The following SUSD6 variants were observed in gnomAD, a reference collection of about 807,000 sequenced individuals.
The protein encoded by SUSD6 is sushi domain containing 6, also known as sushi domain-containing protein 6.
In SUSD6, 16 loss-of-function variants were observed where a neutral mutation model predicts 28.4. The ratio of observed to expected loss-of-function variants is 0.56; its 90% CI spans 0.38 to 0.86. The LOEUF is 0.86. SUSD6 is among the 40% of genes least tolerant of loss of function. The pLI is 0.00. For missense variants in SUSD6, 341 were observed against 384.2 expected (o/e 0.89, Z 0.94); for synonymous variants, 147 against 159.6 (o/e 0.92, Z 0.59).
chr14:69,660,011 C>T (rs1885639781), intron 2 of SUSD6, among the ~76,000 whole-genome samples: 1 of 152,184 alleles, frequency 6.6e-6, no homozygotes, highest in African/African-American at 2.4e-5. Flanking sequence ...TTGAACTCAC[C>T]AATACTGGTG....
rs535039067 is a variant in SUSD6, at chr14:69,712,452, G to A, written c.*1473G>A. On this transcript the variant is annotated 3_prime_UTR_variant, in exon 6 of 6. Coordinates refer to ENST00000342745, the MANE Select transcript of SUSD6 (RefSeq NM_014734.4). ...CTTAGAAGATAGATGCAGCAGTAAG[G>A]AATGTTTGTTTTGCTTTTTTCTGAA... 4 of 152,484 alleles carry A rather than the reference G, an allele frequency of 2.6e-5. No homozygotes were observed. Among genetic ancestry groups the A allele is most frequent in the African/African-American group, 9.6e-5 (4 of 41,576 alleles). 9.4% of individuals were successfully genotyped at this position (152,484 alleles called of 1,614,324 possible).
At chr14:69,664,651 A>G (rs765497733) in intron 2 of SUSD6, among the ~76,000 whole-genome samples, 3 of 152,170 alleles carry the variant, frequency 2.0e-5, no homozygotes, top group South Asian at 2.1e-4. Context: ...TTGACAACAC[A>G]TGGTACCACC....
intron 2 of SUSD6, among the ~76,000 whole-genome samples, chr14:69,701,857 G>A (rs550533956): frequency 6.6e-6 from 1 of 152,120 alleles, no homozygotes; most frequent in Non-Finnish European, 1.5e-5. Context: ...AAAAGAAAAA[G>A]TGCCTTTTCT....
intron 1 of SUSD6, among the ~76,000 whole-genome samples, chr14:69,626,249 A>G (rs1885112883): frequency 6.6e-6 from 1 of 152,158 alleles, no homozygotes; most frequent in Non-Finnish European, 1.5e-5. Context: ...GGGTTTTTAC[A>G]GTATACTTCT....
At chr14:69,673,417 A>G (rs1885862717) in intron 2 of SUSD6, among the ~76,000 whole-genome samples, 2 of 152,062 alleles carry the variant, frequency 1.3e-5, no homozygotes, top group South Asian at 2.1e-4. Context: ...ACCAATTTAT[A>G]CTTGGGCTGA....
chr14:69,643,429 C>T (rs1045398683), intron 1 of SUSD6, among the ~76,000 whole-genome samples: 6 of 152,224 alleles, frequency 3.9e-5, no homozygotes, highest in East Asian at 1.9e-4. Flanking sequence ...TCTTGCTGAA[C>T]GTGGTATAAT....
chr14:69,689,197 CCTT>C (rs1886118267), intron 2 of SUSD6, among the ~76,000 whole-genome samples: 1 of 152,174 alleles, frequency 6.6e-6, no homozygotes, highest in Admixed American at 6.5e-5. Flanking sequence ...TTGGATTAAT[CCTT>C]CTTCAGAACT....
chr14:69,686,629 A>C (rs1473422816), intron 2 of SUSD6, among the ~76,000 whole-genome samples: 1 of 152,232 alleles, frequency 6.6e-6, no homozygotes, highest in African/African-American at 2.4e-5. Flanking sequence ...AAGGCAAGGA[A>C]AAGCAAGTTA....
chr14:69,643,221 C>T (rs1885379743), intron 1 of SUSD6, among the ~76,000 whole-genome samples: 1 of 152,188 alleles, frequency 6.6e-6, no homozygotes, highest in African/African-American at 2.4e-5. Flanking sequence ...CATTATTCCA[C>T]CATGACTAGA....
At chr14:69,641,918 T>C (rs1214771014) in intron 1 of SUSD6, among the ~76,000 whole-genome samples, 2 of 152,198 alleles carry the variant, frequency 1.3e-5, no homozygotes, top group Non-Finnish European at 2.9e-5. Context: ...TCAAATATTC[T>C]TTATGACTTT....
At position 69,698,830 on chromosome 14, in the gene SUSD6, G is replaced by A. The variant is rs796781303; in HGVS notation, c.122-4565G>A. On this transcript the variant is annotated intron_variant, in intron 2 of 5. Coordinates refer to ENST00000342745, the MANE Select transcript of SUSD6 (RefSeq NM_014734.4). Reference sequence around the variant, plus strand: ...ATGTGGCTGTGGGACAGAATGGAAAGCAGAGAGGAAGCTAAAGATAATTCA... The same window carrying A: ...ATGTGGCTGTGGGACAGAATGGAAAACAGAGAGGAAGCTAAAGATAATTCA... Among the ~76,000 whole-genome samples, 4 of 152,372 alleles carry A rather than the reference G, an allele frequency of 2.6e-5. 1 individual carries two copies. The highest frequency in any genetic ancestry group is 7.2e-5 in the African/African-American group (3 of 41,592).
At chr14:69,709,846 A>G (rs1366448828) in intron 5 of SUSD6, among the ~76,000 whole-genome samples, 1 of 152,214 alleles carries the variant, frequency 6.6e-6, no homozygotes, top group African/African-American at 2.4e-5. Flanking sequence ...GGTAAATCCC[A>G]ATGTAGTTCA....
chr14:69,619,903 G>C (rs181239555), intron 1 of SUSD6, among the ~76,000 whole-genome samples: 1 of 152,258 alleles, frequency 6.6e-6, no homozygotes, highest in East Asian at 1.9e-4. Context: ...GACTTCCTTG[G>C]GCTTATTGTA....
chr14:69,645,753 C>CTT (rs764110222), intron 1 of SUSD6, among the ~76,000 whole-genome samples: 2 of 145,066 alleles, frequency 1.4e-5, no homozygotes, highest in Non-Finnish European at 3.0e-5. Context: ...CACTTTCTCA[C>CTT]TTTTTTTTTT....
chr14:69,632,221 G>A (rs1885205277), intron 1 of SUSD6, among the ~76,000 whole-genome samples: 1 of 152,144 alleles, frequency 6.6e-6, no homozygotes, highest in African/African-American at 2.4e-5. Flanking sequence ...CCCTGCTATT[G>A]CCCTGCTGCT....
Position 69,709,098 on chromosome 14 carries a change from A to G in SUSD6, c.880A>G (p.Thr294Ala), listed in dbSNP as rs774156012. ...SLLSLTSEEY[T>A]DDIPLLKEA ...TTTATCCCTCACGTCAGAGGAGTAC[A>G]CAGATGGTGAGTGGTCCAAGCTGAA... The change falls in exon 5 of 6, where the codon ACA becomes GCA. Residue 294 changes from threonine to alanine, a missense_variant. Thr to Ala is a moderately conservative substitution (Grantham distance 58). Coordinates refer to ENST00000342745, the MANE Select transcript of SUSD6 (RefSeq NM_014734.4). 1 of 1,581,874 alleles carries G rather than the reference A, an allele frequency of 6.3e-7. No homozygotes were observed.
At chr14:69,641,689 A>G (rs1481764393) in intron 1 of SUSD6, among the ~76,000 whole-genome samples, 1 of 152,106 alleles carries the variant, frequency 6.6e-6, no homozygotes, top group Non-Finnish European at 1.5e-5. Context: ...TCCTGGGCTC[A>G]AGCAGTCCTC....
At chr14:69,651,182 T>TC (rs1423433141) in intron 1 of SUSD6, among the ~76,000 whole-genome samples, 1 of 152,152 alleles carries the variant, frequency 6.6e-6, no homozygotes, top group Non-Finnish European at 1.5e-5. Flanking sequence ...ACCTAGGCTG[T>TC]CCCTCCTGTC....
At chr14:69,670,200 G>A (rs781031964) in intron 2 of SUSD6, among the ~76,000 whole-genome samples, 2 of 152,204 alleles carry the variant, frequency 1.3e-5, no homozygotes, top group Non-Finnish European at 2.9e-5. Context: ...GCTGGATCTT[G>A]ACAGAAGTTA....
Sources: gnomAD v4.1 joint callset for allele counts (sites outside exome capture counted in the v4.1 genomes callset) on GRCh38, gnomAD v4.1.1 for gene constraint, MANE v1.5 for transcripts, NCBI Gene and HGNC (gene_info 2026-07-23, HGNC 2026-07-21) for gene names.